NEK10: variants seen among roughly 807,000 people sequenced by gnomAD.
NEK10 encodes the protein NIMA related kinase 10.
A neutral mutation model predicts 159.8 loss-of-function variants in NEK10; 122 were observed. The ratio of observed to expected loss-of-function variants is 0.76; its 90% CI spans 0.66 to 0.89. NEK10 has a LOEUF of 0.89. Ranked by LOEUF, NEK10 falls within the 40% of genes least tolerant of loss-of-function variation. The pLI, the probability that NEK10 is intolerant of heterozygous loss-of-function variation, is 0.00. For missense variants in NEK10, 1,342 were observed against 1,323.1 expected (o/e 1.01, Z -0.22); for synonymous variants, 466 against 457.1 (o/e 1.02, Z -0.25).
intron 22 of NEK10, among the ~76,000 whole-genome samples, chr3:27,268,906 C>CATGGG (rs2041115282): frequency 6.6e-6 from 1 of 152,126 alleles, no homozygotes; most frequent in South Asian, 2.1e-4. Context: ...ATTCATGATT[C>CATGGG]ATGGGAAGAG....
chr3:27,206,635 GC>G, intron 23 of NEK10: 4 of 985,080 alleles, frequency 4.1e-6, no homozygotes, highest in Non-Finnish European at 4.8e-6. Flanking sequence ...CTGGTAACTC[GC>G]AGACCTAATT....
At chr3:27,291,224 T>A in intron 18 of NEK10, 38 bp downstream of exon 18, 1 of 1,595,664 alleles carries the variant, frequency 6.3e-7, no homozygotes, top group East Asian at 2.2e-5. Flanking sequence ...TCCGGTTTGG[T>A]TGGGAGTATC....
chr3:27,186,977 T>C (rs960788393), intron 26 of NEK10, among the ~76,000 whole-genome samples: 3 of 151,824 alleles, frequency 2.0e-5, no homozygotes, highest in Admixed American at 6.6e-5. Context: ...GACCACAGAG[T>C]AGGCTGCTTA....
chr3:27,178,658 G>A (rs1947763778), intron 26 of NEK10, among the ~76,000 whole-genome samples: 1 of 152,160 alleles, frequency 6.6e-6, no homozygotes, highest in Admixed American at 6.5e-5. Context: ...GCCATTGACT[G>A]CATACTATTG....
intron 30 of NEK10, among the ~76,000 whole-genome samples, chr3:27,158,675 T>C (rs944053929): frequency 1.3e-5 from 2 of 152,138 alleles, no homozygotes; most frequent in African/African-American, 4.8e-5. Flanking sequence ...GCTGTCTAAA[T>C]AAAAACCTGA....
At chr3:27,205,702 T>C (rs1333848355) in intron 23 of NEK10, among the ~76,000 whole-genome samples, 20 of 133,250 alleles carry the variant, frequency 1.5e-4, no homozygotes, top group Non-Finnish European at 2.5e-4. Context: ...TATACAAAAA[T>C]CAATTCAAGA....
intron 8 of NEK10, chr3:27,311,245 A>T (rs1219967801): frequency 1.4e-5 from 5 of 362,244 alleles, no homozygotes; most frequent in Non-Finnish European, 2.4e-5. Context: ...TGAAATATAA[A>T]AATACCAAAA....
At position 27,109,804 on chromosome 3, in the gene NEK10, A is replaced by G. The variant is rs531954577; in HGVS notation, c.*1468T>C. Among the ~76,000 whole-genome samples the G allele has an allele frequency of 6.2e-4, 94 of 152,338 alleles. No individual in the cohort carries two copies. Among genetic ancestry groups the G allele is most frequent in the Non-Finnish European group, 1.3e-3 (86 of 68,022 alleles). ...TTTGAAAGCTGAAACTGAAATTTTC[A>G]TTACTGTATTTGCATCTATTATCTT... On this transcript the variant is annotated 3_prime_UTR_variant, in exon 36 of 36. Transcript: ENST00000691995.
At chr3:27,254,717 T>G (rs545281800) in intron 23 of NEK10, among the ~76,000 whole-genome samples, 1 of 152,266 alleles carries the variant, frequency 6.6e-6, no homozygotes, top group African/African-American at 2.4e-5. Context: ...TAGTAAGATA[T>G]ACTTTACATG....
At chr3:27,353,301 GTTTAA>G (rs910174464) in intron 1 of NEK10, among the ~76,000 whole-genome samples, 1 of 152,074 alleles carries the variant, frequency 6.6e-6, no homozygotes, top group African/African-American at 2.4e-5. Flanking sequence ...TGTTCTATGG[GTTTAA>G]TTTGACTGGA....
intron 30 of NEK10, among the ~76,000 whole-genome samples, chr3:27,153,047 C>T (rs1019883418): frequency 3.9e-5 from 6 of 152,030 alleles, no homozygotes; most frequent in Non-Finnish European, 7.4e-5. Context: ...AATGGCCAGG[C>T]GCGGTGGCTC....
At chr3:27,295,009 A>C (rs2043253520) in intron 15 of NEK10, among the ~76,000 whole-genome samples, 3 of 150,538 alleles carry the variant, frequency 2.0e-5, no homozygotes, top group African/African-American at 2.5e-5. Flanking sequence ...CTCTCCCAAC[A>C]CCCACTCCTC....
chr3:27,178,631 T>C (rs1294102293), intron 26 of NEK10, among the ~76,000 whole-genome samples: 4 of 152,132 alleles, frequency 2.6e-5, no homozygotes, highest in Non-Finnish European at 4.4e-5. Context: ...ACAAAGAAAA[T>C]TCAAACTAGG....
At chr3:27,299,625 G>A (rs1006187316) in intron 13 of NEK10, among the ~76,000 whole-genome samples, 1 of 152,162 alleles carries the variant, frequency 6.6e-6, no homozygotes, top group Non-Finnish European at 1.5e-5. Flanking sequence ...AAAAGCCAAA[G>A]AAACTCAACA....
chr3:27,206,190 T>A (rs181111845), intron 23 of NEK10, among the ~76,000 whole-genome samples: 9 of 152,212 alleles, frequency 5.9e-5, no homozygotes, highest in African/African-American at 1.9e-4. Context: ...TGTAGCAGAC[T>A]TTCCTCTTGA....
At chr3:27,248,764 T>C (rs1955355141) in intron 23 of NEK10, among the ~76,000 whole-genome samples, 1 of 152,194 alleles carries the variant, frequency 6.6e-6, no homozygotes, top group African/African-American at 2.4e-5. Flanking sequence ...AAGACTTGTT[T>C]TGTGACCTAA....
Position 27,109,102 on chromosome 3 carries a change from G to C in NEK10, c.*2170C>G, listed in dbSNP as rs1293255276. Among the ~76,000 whole-genome samples the C allele has an allele frequency of 1.3e-5, 2 of 152,172 alleles. No individual in the cohort carries two copies. The highest frequency in any genetic ancestry group is 2.9e-5 in the Non-Finnish European group (2 of 68,036). On this transcript the variant is annotated 3_prime_UTR_variant, in exon 36 of 36. Transcript: ENST00000691995. Reference sequence around the variant, plus strand: ...CTAAAAGAGTTACATGCAATGGCTGGGCACAGTGGCTCACGCCTCTAATCC... The same window carrying C: ...CTAAAAGAGTTACATGCAATGGCTGCGCACAGTGGCTCACGCCTCTAATCC...
At chr3:27,261,270 A>G (rs1340357978) in intron 22 of NEK10, among the ~76,000 whole-genome samples, 1 of 152,000 alleles carries the variant, frequency 6.6e-6, no homozygotes, top group African/African-American at 2.4e-5. Flanking sequence ...GCTAGCTTTA[A>G]AATGTGTTTG....
chr3:27,260,333 T>G (rs552578317), intron 22 of NEK10, among the ~76,000 whole-genome samples: 59 of 152,310 alleles, frequency 3.9e-4, no homozygotes, highest in African/African-American at 1.3e-3. Flanking sequence ...TTTTGCCCAT[T>G]CAGTATGATA....
Sources: gnomAD v4.1 joint callset for allele counts (sites outside exome capture counted in the v4.1 genomes callset) on GRCh38, gnomAD v4.1.1 for gene constraint, MANE v1.5 for transcripts, NCBI Gene and HGNC (gene_info 2026-07-23, HGNC 2026-07-21) for gene names.